The following HLA-DPA1 variants were observed in gnomAD, a reference collection of about 807,000 sequenced individuals.
HLA-DPA1 encodes HLA class II histocompatibility antigen, DP alpha 1 chain.
Under a neutral mutation model 21.5 loss-of-function variants are expected in HLA-DPA1, and 20 were observed. That is an observed-to-expected ratio of 0.93 (90% CI 0.66 to 1.35). The LOEUF (loss-of-function observed/expected upper bound fraction) is 1.35. Among genes scored for constraint, HLA-DPA1 ranks in the 40% most tolerant of loss-of-function variants. HLA-DPA1 has a pLI of 0.00. For synonymous variants in HLA-DPA1, 123 were observed against 129.6 expected, an observed-to-expected ratio of 0.95 and a Z score of 0.35; for missense variants, 279 against 323.0, an observed-to-expected ratio of 0.86 and a Z score of 1.05.
rs35947638 is a variant in HLA-DPA1 at position 33,068,940 on chromosome 6, C to T, written c.628+79G>A. ...GGAGAGGACTGAGACCCAGCCAGTG[C>T]GGAAAGCTGGTGCAGAGGACACCAG... On this transcript the variant is annotated intron_variant, in intron 4 of 5. Transcript: ENST00000419277. 248 of 1,548,636 alleles carry T rather than the reference C, an allele frequency of 1.6e-4. 2 individuals carry two copies. In the African/African-American group the frequency reaches 2.6e-3, roughly 16 times the overall value.
intron 1 of HLA-DPA1, among the ~76,000 whole-genome samples, chr6:33,074,181 G>T (rs1283633075): frequency 2.0e-5 from 3 of 152,126 alleles, no homozygotes; most frequent in Non-Finnish European, 4.4e-5. Context: ...GAATGAAGTT[G>T]ATCTTTAATT....
exon 5 of HLA-DPA1, chr6:33,068,751 G>C: frequency 6.2e-7 from 1 of 1,613,056 alleles, no homozygotes; most frequent in African/African-American, 1.3e-5. Context: ...ACCAGGCCCA[G>C]GGCACAGAGC....
intron 1 of HLA-DPA1, among the ~76,000 whole-genome samples, chr6:33,074,988 C>T (rs1398093217): frequency 6.6e-6 from 1 of 152,086 alleles, no homozygotes. Flanking sequence ...GAAATGATGC[C>T]AATTTGATTT....
In HLA-DPA1 at chr6:33,080,420, TC is replaced by T. The variant is rs201451888; in HGVS notation, c.-100+259del. The T allele has an allele frequency of 0.012, 8,255 of 686,814 alleles. 148 individuals are homozygous for T. The highest frequency in any genetic ancestry group is 0.065 in the African/African-American group (3,680 of 56,512). 42.5% of individuals were successfully genotyped at this position (686,814 alleles called of 1,614,324 possible). ...CTGCCTTCCCCTCAGTGCTCGCCCC[TC>T]CCTAGTGATCACTCAGTGCCCCTGA... is the stretch of plus-strand genomic sequence containing the variant. On this transcript the variant is annotated intron_variant, in intron 1 of 5. Coordinates refer to ENST00000419277, the Ensembl canonical transcript of HLA-DPA1. This position sits in a 1 kb window ranked among gnomAD's most constrained non-coding sequence, Gnocchi z 4.3.
At chr6:33,064,921 G>A (rs17214587) in exon 6 of HLA-DPA1, 1 of 151,816 alleles carries the variant, frequency 6.6e-6, no homozygotes, top group Non-Finnish European at 1.5e-5. Flanking sequence ...TAACCACATC[G>A]GCAACAGAGG....
chr6:33,075,270 C>T (rs1583104041), intron 1 of HLA-DPA1, among the ~76,000 whole-genome samples: 2 of 152,234 alleles, frequency 1.3e-5, no homozygotes, highest in East Asian at 3.9e-4. Context: ...CAGGTTATAT[C>T]ATCCCCATAT....
At chr6:33,068,983 T>A in intron 4 of HLA-DPA1, 36 bp downstream of exon 3, 1 of 1,605,702 alleles carries the variant, frequency 6.2e-7, no homozygotes, top group Non-Finnish European at 8.5e-7. Context: ...GAATAGAGGA[T>A]GCCAGGAGAT....
chr6:33,069,617 G>A (rs1429121330), intron 3 of HLA-DPA1, 24 bp downstream of exon 2: 5 of 1,610,624 alleles, frequency 3.1e-6, no homozygotes, highest in South Asian at 2.2e-5. Context: ...GGGCTACAGA[G>A]GAAGAGGCAA....
intron 2 of HLA-DPA1, among the ~76,000 whole-genome samples, chr6:33,071,888 T>C (rs1762299314): frequency 6.6e-6 from 1 of 152,154 alleles, no homozygotes; most frequent in African/African-American, 2.4e-5. Flanking sequence ...GAAAGTCATC[T>C]AAGGAGAAAT....
rs138409652 is a variant in HLA-DPA1, at chr6:33,075,310, G to A, written c.-99-1641C>T. ...GACAAGGAATCGAAGTCCAAGAGAG[G>A]CAGTGTCGTTAAAGCTGCATATTTA... On this transcript the variant is annotated intron_variant, in intron 1 of 5. Transcript: ENST00000419277. Among the ~76,000 whole-genome samples, 542 of 152,302 alleles carry A rather than the reference G, an allele frequency of 3.6e-3. 3 individuals are homozygous for A. Among genetic ancestry groups the A allele is most frequent in the East Asian group, 0.026 (133 of 5,194 alleles).
At chr6:33,075,096 A>G (rs1199303459) in intron 1 of HLA-DPA1, among the ~76,000 whole-genome samples, 1 of 152,210 alleles carries the variant, frequency 6.6e-6, no homozygotes, top group Non-Finnish European at 1.5e-5. Context: ...TATTCACTCT[A>G]AACAAAATAG....
chr6:33,071,025 A>G (rs67542233), intron 2 of HLA-DPA1, among the ~76,000 whole-genome samples: 29,377 of 152,118 alleles, frequency 0.19, 3,462 homozygotes, highest in African/African-American at 0.32. Context: ...GTTTAGAATG[A>G]TAAATGCATC....
At position 33,074,874 on chromosome 6, in the gene HLA-DPA1, C is replaced by G. The variant is rs138441021; in HGVS notation, c.-99-1205G>C. On this transcript the variant is annotated intron_variant, in intron 1 of 5. Transcript: ENST00000419277. ...AAACTGAGTTTTTCTCCACAATCCT[C>G]TCCTGGCCCCTTAATCCTACTAGAC... 3.6e-3 allele frequency among the ~76,000 whole-genome samples: 541 copies of G among 152,330 alleles called. 3 individuals carry two copies. Among genetic ancestry groups the G allele is most frequent in the East Asian group, 0.026 (133 of 5,196 alleles).
At position 33,076,999 on chromosome 6, in the gene HLA-DPA1, C is replaced by T. The variant is rs535429426; in HGVS notation, c.-99-3330G>A. Among the ~76,000 whole-genome samples, 38 of 151,836 alleles carry T rather than the reference C, an allele frequency of 2.5e-4. 1 individual carries two copies. Among genetic ancestry groups the T allele is most frequent in the African/African-American group, 9.2e-4 (38 of 41,368 alleles). On this transcript the variant is annotated intron_variant, in intron 1 of 5. Transcript: ENST00000419277. ...GTTTGTTACATATGTATACATGTGCCATGTTGGTGTGCTGCACCCATTAAC... is the reference window on the plus strand; with the variant it reads ...GTTTGTTACATATGTATACATGTGCTATGTTGGTGTGCTGCACCCATTAAC...
At chr6:33,067,707 A>T (rs1018832220) in intron 5 of HLA-DPA1, 1 of 152,250 alleles carries the variant, frequency 6.6e-6, no homozygotes, top group Admixed American at 6.5e-5. Context: ...AATTAAAAAT[A>T]CATGTACACT....
rs1276861880 is a variant in HLA-DPA1 at position 33,080,481 on chromosome 6, G to T, written c.-100+199C>A. ...TTTCAGTAAATTCTCTCTCTGCGTG[G>T]TGAGAAAACAGGCCTGGAGAGGCTC... On this transcript the variant is annotated intron_variant, in intron 1 of 5. Coordinates refer to ENST00000419277, the Ensembl canonical transcript of HLA-DPA1. This position sits in a 1 kb window ranked among gnomAD's most constrained non-coding sequence, Gnocchi z 4.3. The T allele has an allele frequency of 1.3e-6, 1 of 785,474 alleles. No individual in the cohort carries two copies. The highest frequency in any genetic ancestry group is 1.5e-5 in the South Asian group (1 of 68,074). The allele number at this position is 785,474 out of a possible 1,614,324, so 48.7% of individuals were successfully genotyped here. A position where few individuals can be genotyped will look rare whatever the true frequency, so the allele number is the denominator to read the frequency against.
chr6:33,070,039 C>G lies in HLA-DPA1; in HGVS notation c.101-153G>C, dbSNP rs141926028. Among the ~76,000 whole-genome samples the G allele has an allele frequency of 3.6e-3, 540 of 152,068 alleles. 2 individuals are homozygous for G. Among genetic ancestry groups the G allele is most frequent in the East Asian group, 0.026 (133 of 5,170 alleles). On this transcript the variant is annotated intron_variant, in intron 2 of 5. Coordinates refer to ENST00000419277, the Ensembl canonical transcript of HLA-DPA1. ...TATGGGGAAGAAGAAGGAGCAACAC[C>G]ATAAAGGAAATAATACAGAGCAGAT... is the stretch of plus-strand genomic sequence containing the variant.
Position 33,076,734 on chromosome 6 carries a change from G to A in HLA-DPA1, c.-99-3065C>T, listed in dbSNP as rs144015997. Among the ~76,000 whole-genome samples, 540 of 152,204 alleles carry A rather than the reference G, an allele frequency of 3.5e-3. 2 individuals carry two copies. The highest frequency in any genetic ancestry group is 0.025 in the East Asian group (132 of 5,182). ...TGGTTAGGGTACTAGAGTGGGTTGC[G>A]ACTTGTAGGAAGAATGAGATGAGGT... On this transcript the variant is annotated intron_variant, in intron 1 of 5. Coordinates refer to ENST00000419277, the Ensembl canonical transcript of HLA-DPA1.
intron 2 of HLA-DPA1, among the ~76,000 whole-genome samples, chr6:33,072,214 C>T (rs1312296558): frequency 6.6e-6 from 1 of 152,188 alleles, no homozygotes; most frequent in African/African-American, 2.4e-5. Context: ...ATTTGACCTT[C>T]TGTAGAGGTT....
Sources: gnomAD v4.1 joint callset for allele counts (sites outside exome capture counted in the v4.1 genomes callset) on GRCh38, gnomAD v4.1.1 for gene constraint, Gnocchi (gnomAD v3.1) non-coding constraint, MANE v1.5 for transcripts, NCBI Gene and HGNC (gene_info 2026-07-23, HGNC 2026-07-21) for gene names.